The following PARD3 variants were observed in gnomAD, a reference collection of about 807,000 sequenced individuals.
PARD3 encodes par-3 family cell polarity regulator.
In PARD3, 75 loss-of-function variants were observed where a neutral mutation model predicts 155.4. The ratio of observed to expected loss-of-function variants is 0.48; its 90% confidence interval spans 0.40 to 0.58. PARD3 has a LOEUF of 0.58. PARD3 is among the 20% of genes least tolerant of loss of function. PARD3 has a pLI of 0.00. For missense variants in PARD3, 1,642 were observed against 1,721.7 expected (o/e 0.95, Z 0.82); for synonymous variants, 576 against 610.5 (o/e 0.94, Z 0.83).
intron 5 of PARD3, among the ~76,000 whole-genome samples, chr10:34,433,959 C>A (rs1298672954): frequency 6.6e-6 from 1 of 152,154 alleles, no homozygotes; most frequent in Non-Finnish European, 1.5e-5. Context: ...GTCCTGCCCT[C>A]TTTAAAAAGA....
intron 2 of PARD3, among the ~76,000 whole-genome samples, chr10:34,671,771 T>A (rs1022515967): frequency 2.2e-4 from 34 of 152,330 alleles, no homozygotes; most frequent in African/African-American, 8.2e-4. Context: ...CTGTACAATC[T>A]GTACTTCTGC....
chr10:34,515,939 TTC>T (rs2081713778), intron 3 of PARD3, among the ~76,000 whole-genome samples: 1 of 151,560 alleles, frequency 6.6e-6, no homozygotes, highest in Non-Finnish European at 1.5e-5. Context: ...ACTGAAGTGT[TTC>T]CAAATAGATG....
intron 3 of PARD3, among the ~76,000 whole-genome samples, chr10:34,502,095 C>T (rs2080752890): frequency 6.6e-6 from 1 of 152,194 alleles, no homozygotes; most frequent in African/African-American, 2.4e-5. Context: ...GCACTCGCAG[C>T]CTGTAGGACA....
At chr10:34,276,192 A>G (rs1286068611) in intron 21 of PARD3, among the ~76,000 whole-genome samples, 3 of 152,208 alleles carry the variant, frequency 2.0e-5, no homozygotes, top group Non-Finnish European at 4.4e-5. Flanking sequence ...AACTTAATAA[A>G]GAACTTATCA....
chr10:34,350,908 C>G (rs1464479964), intron 14 of PARD3, among the ~76,000 whole-genome samples: 2 of 152,054 alleles, frequency 1.3e-5, no homozygotes, highest in African/African-American at 4.8e-5. Flanking sequence ...TCTTTTGCTA[C>G]AGTAACTTGG....
chr10:34,496,992 T>C (rs937280275), intron 3 of PARD3, among the ~76,000 whole-genome samples: 2 of 152,168 alleles, frequency 1.3e-5, no homozygotes, highest in Non-Finnish European at 2.9e-5. Flanking sequence ...GATGAGTTCG[T>C]AGGAGTATAG....
chr10:34,651,964 T>C (rs570813148), intron 2 of PARD3, among the ~76,000 whole-genome samples: 1 of 152,322 alleles, frequency 6.6e-6, no homozygotes, highest in Non-Finnish European at 1.5e-5. Context: ...GCAGGCACAG[T>C]ATCTGTTCTT....
intron 20 of PARD3, among the ~76,000 whole-genome samples, chr10:34,290,474 G>A (rs1282114690): frequency 6.6e-6 from 1 of 152,184 alleles, no homozygotes; most frequent in Non-Finnish European, 1.5e-5. Context: ...AAAGAAATTT[G>A]TAGGTTATGT....
intron 14 of PARD3, among the ~76,000 whole-genome samples, chr10:34,353,744 T>TA (rs1299524268): frequency 6.6e-5 from 10 of 150,860 alleles, no homozygotes; most frequent in East Asian, 1.9e-4. Flanking sequence ...AATAAATAAA[T>TA]AAATAAAATA....
chr10:34,370,844 G>A (rs868468768), intron 12 of PARD3, among the ~76,000 whole-genome samples: 153 of 135,264 alleles, frequency 1.1e-3, no homozygotes, highest in Non-Finnish European at 2.3e-3. Flanking sequence ...GTGTGTGTGT[G>A]TGTAAATGAC....
chr10:34,503,467 C>T (rs150533932), intron 3 of PARD3, among the ~76,000 whole-genome samples: 70 of 152,286 alleles, frequency 4.6e-4, no homozygotes, highest in African/African-American at 1.6e-3. Context: ...AAATTACATG[C>T]TATTCCTATA....
chr10:34,562,696 T>C (rs2085598491), intron 2 of PARD3, among the ~76,000 whole-genome samples: 1 of 152,206 alleles, frequency 6.6e-6, no homozygotes. Context: ...ACCATCATTA[T>C]CTGGAGAGAG....
At chr10:34,757,651 C>T (rs1000659658) in intron 1 of PARD3, among the ~76,000 whole-genome samples, 2 of 149,898 alleles carry the variant, frequency 1.3e-5, no homozygotes, top group African/African-American at 4.9e-5. Flanking sequence ...GCAGAGGTTG[C>T]AATGAGCCAA....
chr10:34,119,647 G>A lies in PARD3; in HGVS notation c.3634C>T (p.Gln1212Ter). The A allele has an allele frequency of 6.2e-7, 1 of 1,610,878 alleles. No homozygotes were observed. Among genetic ancestry groups the A allele is most frequent in the East Asian group, 2.2e-5 (1 of 44,816 alleles). Residue 1212 changes from glutamine (Q) to a stop codon, truncating the protein, a stop_gained, in exon 24 of 25, where the codon CAG becomes TAG. Transcript: ENST00000374788. LOFTEE classifies it high-confidence loss of function. ...GAGCTGTACTGGCGCTGGGCCTGCT[G>A]GGAGCTCTCGCGCTCCTCCTGCCGC... ...RQRQEERESS[Q>*]QAQRQYSSLP...
chr10:34,347,065 A>G (rs888235913), intron 15 of PARD3, among the ~76,000 whole-genome samples: 4 of 152,220 alleles, frequency 2.6e-5, no homozygotes, highest in Admixed American at 2.0e-4. Context: ...GAGGCTCCAT[A>G]ATGGAAACTT....
At chr10:34,367,964 AGC>A (rs1840142314) in intron 12 of PARD3, among the ~76,000 whole-genome samples, 1 of 152,012 alleles carries the variant, frequency 6.6e-6, no homozygotes, top group Non-Finnish European at 1.5e-5. Flanking sequence ...TTGAAAGTTA[AGC>A]ATGTGGCTGG....
intron 22 of PARD3, among the ~76,000 whole-genome samples, chr10:34,198,453 GGTGTGT>G (rs59976562): frequency 0.055 from 8,086 of 146,838 alleles, 631 homozygotes; most frequent in African/African-American, 0.17. Context: ...ATCACTAATT[GGTGTGT>G]GTGTGTGTGT....
intron 22 of PARD3, among the ~76,000 whole-genome samples, chr10:34,214,143 C>T (rs80057412): frequency 0.019 from 2,851 of 152,254 alleles, 81 homozygotes; most frequent in East Asian, 0.13. Context: ...TCGAGTGATA[C>T]TCCTGCCTCA....
At chr10:34,518,892 GA>G (rs1166033119) in intron 2 of PARD3, among the ~76,000 whole-genome samples, 5 of 152,282 alleles carry the variant, frequency 3.3e-5, no homozygotes, top group Admixed American at 2.0e-4. Context: ...TTGAAGTGGA[GA>G]AACTTGGCAG....
Sources: allele counts gnomAD v4.1 joint callset (sites outside exome capture counted in the v4.1 genomes callset), GRCh38; gene constraint gnomAD v4.1.1; transcripts MANE v1.5; gene names NCBI Gene and HGNC (gene_info 2026-07-23, HGNC 2026-07-21).